The following ARHGEF10 variants were observed in gnomAD, a reference collection of about 807,000 sequenced individuals.
ARHGEF10 encodes the protein Rho guanine nucleotide exchange factor (GEF) 10.
A neutral mutation model predicts 147.4 loss-of-function variants in ARHGEF10; 140 were observed. The observed-to-expected ratio is 0.95, with a 90% CI of 0.83 to 1.09. ARHGEF10 has a LOEUF of 1.09. Among genes scored for constraint, ARHGEF10 ranks in the 50% least tolerant of loss-of-function variants. ARHGEF10 has a pLI of 0.00. For missense variants in ARHGEF10, 2,222 were observed against 1,752.7 expected, an observed-to-expected ratio of 1.27 and a Z score of -4.78; for synonymous variants, 902 against 695.8, an observed-to-expected ratio of 1.30 and a Z score of -4.67.
chr8:1,847,083 C>T (rs1375697045), intron 2 of ARHGEF10, among the ~76,000 whole-genome samples: 1 of 152,148 alleles, frequency 6.6e-6, no homozygotes, highest in African/African-American at 2.4e-5. Context: ...TGTGCCTTCT[C>T]TAGAAATGTC....
chr8:1,825,827 G>C (rs1361429023), intron 1 of ARHGEF10, among the ~76,000 whole-genome samples: 1 of 152,214 alleles, frequency 6.6e-6, no homozygotes, highest in Non-Finnish European at 1.5e-5. Context: ...CATAACCTGA[G>C]TACGGACTGG....
At chr8:1,849,969 G>A (rs74905290) in intron 2 of ARHGEF10, among the ~76,000 whole-genome samples, 16 of 121,344 alleles carry the variant, frequency 1.3e-4, no homozygotes, top group Admixed American at 2.3e-4. Context: ...TGAGGAGGGC[G>A]TGGGCCGGCT....
At chr8:1,872,271 C>T (rs1393912350) in intron 7 of ARHGEF10, among the ~76,000 whole-genome samples, 1 of 152,192 alleles carries the variant, frequency 6.6e-6, no homozygotes, top group Non-Finnish European at 1.5e-5. Flanking sequence ...GAATGGTTTG[C>T]TTAACTACTG....
chr8:1,905,088 G>C (rs6558563), intron 16 of ARHGEF10, among the ~76,000 whole-genome samples: 136,290 of 152,258 alleles, frequency 0.9, 61,107 homozygotes, highest in East Asian at 0.98. Flanking sequence ...GAGATTGTGC[G>C]GCTGCACTCC....
At chr8:1,847,361 A>G (rs138379585) in intron 2 of ARHGEF10, among the ~76,000 whole-genome samples, 7 of 152,364 alleles carry the variant, frequency 4.6e-5, no homozygotes, top group African/African-American at 7.2e-5. Context: ...CATTCAGAAG[A>G]TGATCTGGGA....
chr8:1,939,113 C>T (rs1439097620), intron 26 of ARHGEF10, among the ~76,000 whole-genome samples: 1 of 152,214 alleles, frequency 6.6e-6, no homozygotes, highest in African/African-American at 2.4e-5. Flanking sequence ...AATCCCAGTC[C>T]CCGGAGACTC....
rs183891528 is a variant in ARHGEF10 at position 1,948,829 on chromosome 8, G to C, written c.3397+3174G>C. On this transcript the variant is annotated intron_variant, in intron 27 of 28. Transcript: ENST00000349830. This position sits in a 1 kb window ranked among gnomAD's most constrained non-coding sequence, Gnocchi z 4.9. ...TGCTGTATTTAGACATTCCGGTGGG[G>C]GCATGCTCATACCGTGCTGAAGTGC... Among the ~76,000 whole-genome samples the C allele has an allele frequency of 3.9e-5, 6 of 152,058 alleles. No homozygotes were observed. The highest frequency in any genetic ancestry group is 8.8e-5 in the Non-Finnish European group (6 of 68,006).
rs532983066 is a variant in ARHGEF10, at chr8:1,901,012, C to T, written c.1651-2269C>T. Among the ~76,000 whole-genome samples, 86 of 152,108 alleles carry T rather than the reference C, an allele frequency of 5.7e-4. 1 individual carries two copies. The highest frequency in any genetic ancestry group is 1.7e-3 in the South Asian group (8 of 4,802). ...TTGCCCACATTTGATGAAACGCTGGCGTATCCTAGAGTGTTCTCGGAGGGG... is the reference window on the plus strand; with the variant it reads ...TTGCCCACATTTGATGAAACGCTGGTGTATCCTAGAGTGTTCTCGGAGGGG... On this transcript the variant is annotated intron_variant, in intron 15 of 28. Transcript: ENST00000349830.
chr8:1,833,637 G>A (rs1250041115), intron 1 of ARHGEF10, among the ~76,000 whole-genome samples: 1 of 152,210 alleles, frequency 6.6e-6, no homozygotes, highest in Admixed American at 6.5e-5. Context: ...CCAGCCCTGG[G>A]TCAGCCCCCT....
chr8:1,898,719 G>C (rs1403665758), intron 15 of ARHGEF10, among the ~76,000 whole-genome samples, 194 bp downstream of exon 15: 1 of 152,164 alleles, frequency 6.6e-6, no homozygotes, highest in Non-Finnish European at 1.5e-5. Flanking sequence ...GGGGGCAGCT[G>C]TAGGGCCCAG....
chr8:1,869,281 G>A lies in ARHGEF10; in HGVS notation c.679+31G>A, dbSNP rs372130398. 3.8e-6 allele frequency: 6 copies of A among 1,596,964 alleles called. No homozygotes were observed. In the African/African-American group the frequency reaches 6.7e-5, roughly 18 times the overall value. On this transcript the variant is annotated intron_variant, in intron 7 of 28. Coordinates refer to ENST00000349830, the MANE Select transcript of ARHGEF10 (RefSeq NM_014629.4). ...ATTTTGTCTGGAATTGATTTGAGGA[G>A]ATTCAGCTCAGCAGCCTTTCCCTCT...
chr8:1,945,898 G>GCGTGCTGGGAGGAGCCA (rs1489532131), intron 27 of ARHGEF10: 14 of 701,612 alleles, frequency 2.0e-5, no homozygotes, highest in Admixed American at 9.6e-5. Context: ...GGGAGGAGCC[G>GCGTGCTGGGAGGAGCCA]CGTGCTGGGA....
At chr8:1,916,946 G>A (rs1234748670) in intron 18 of ARHGEF10, among the ~76,000 whole-genome samples, 1 of 152,202 alleles carries the variant, frequency 6.6e-6, no homozygotes, top group African/African-American at 2.4e-5. Context: ...ATCCTGTATA[G>A]GGAATTTTCA....
chr8:1,903,967 C>T (rs759606853), intron 16 of ARHGEF10: 1 of 198,366 alleles, frequency 5.0e-6, no homozygotes, highest in Non-Finnish European at 1.0e-5. Context: ...CAGTGGCATG[C>T]ACCTATATAG....
chr8:1,890,898 T>C (rs886226487), intron 11 of ARHGEF10, among the ~76,000 whole-genome samples: 3 of 152,170 alleles, frequency 2.0e-5, no homozygotes, highest in African/African-American at 4.8e-5. Flanking sequence ...GTTCATTGTT[T>C]TATGGTTTCT....
intron 14 of ARHGEF10, among the ~76,000 whole-genome samples, chr8:1,896,855 C>T (rs1317764736): frequency 1.3e-5 from 2 of 152,182 alleles, no homozygotes; most frequent in Non-Finnish European, 1.5e-5. Context: ...GGGCCCTACC[C>T]GAGGGGGACG....
chr8:1,849,577 G>A (rs1199417675), intron 2 of ARHGEF10, among the ~76,000 whole-genome samples: 1 of 136,186 alleles, frequency 7.3e-6, no homozygotes, highest in Non-Finnish European at 1.6e-5. Flanking sequence ...AGGAGGGCGT[G>A]GGGCCAGCTG....
chr8:1,835,198 G>A (rs2129041901), intron 1 of ARHGEF10, among the ~76,000 whole-genome samples: 1 of 152,308 alleles, frequency 6.6e-6, no homozygotes. Context: ...TGGACGATAG[G>A]AAACCGACCA....
intron 21 of ARHGEF10, 36 bp downstream of exon 21, chr8:1,923,910 C>A: frequency 6.3e-7 from 1 of 1,591,148 alleles, no homozygotes; most frequent in Non-Finnish European, 8.6e-7. Flanking sequence ...ATGAGGCATG[C>A]GGCGTGATGA....
Sources: gnomAD v4.1 joint callset for allele counts (sites outside exome capture counted in the v4.1 genomes callset) on GRCh38, gnomAD v4.1.1 for gene constraint, Gnocchi (gnomAD v3.1) non-coding constraint, MANE v1.5 for transcripts, NCBI Gene and HGNC (gene_info 2026-07-23, HGNC 2026-07-21) for gene names.